Variants in COMMD1 observed in about 807,000 individuals in gnomAD.
The protein encoded by COMMD1 is copper metabolism domain containing 1.
Under a neutral mutation model 17.2 loss-of-function variants are expected in COMMD1, and 10 were observed. The ratio of observed to expected loss-of-function variants is 0.58; its 90% CI spans 0.36 to 0.99. The LOEUF (loss-of-function observed/expected upper bound fraction) is 0.99. COMMD1 is among the 50% of genes least tolerant of loss of function. The pLI is 0.01. For synonymous variants in COMMD1, 97 were observed against 91.6 expected, an observed-to-expected ratio of 1.06 and a Z score of -0.34; for missense variants, 270 against 231.8, an observed-to-expected ratio of 1.17 and a Z score of -1.07.
At chr2:62,113,638 C>T (rs1672515649) in intron 2 of COMMD1, among the ~76,000 whole-genome samples, 1 of 152,194 alleles carries the variant, frequency 6.6e-6, no homozygotes, top group Admixed American at 6.5e-5. Flanking sequence ...CCTGCCTTGG[C>T]CTCCCAAAGT....
chr2:62,083,547 GTC>G (rs1440263877), intron 2 of COMMD1, among the ~76,000 whole-genome samples: 3 of 152,134 alleles, frequency 2.0e-5, no homozygotes, highest in Non-Finnish European at 4.4e-5. Context: ...CTCTCTCTCT[GTC>G]TCTCTCGAAG....
chr2:62,021,151 A>G (rs975199817), intron 2 of COMMD1, among the ~76,000 whole-genome samples: 2 of 152,190 alleles, frequency 1.3e-5, no homozygotes, highest in South Asian at 2.1e-4. Flanking sequence ...TGTGTCCTCA[A>G]CCACATCTTT....
At chr2:62,064,891 G>A (rs1188160330) in intron 2 of COMMD1, among the ~76,000 whole-genome samples, 1 of 152,182 alleles carries the variant, frequency 6.6e-6, no homozygotes, top group Non-Finnish European at 1.5e-5. Flanking sequence ...GCTGTGCCAG[G>A]TGCAGTAGCT....
At chr2:62,127,227 G>A (rs1672908989) in intron 2 of COMMD1, among the ~76,000 whole-genome samples, 1 of 152,082 alleles carries the variant, frequency 6.6e-6, no homozygotes, top group Non-Finnish European at 1.5e-5. Context: ...AAATCAGAGA[G>A]GACACAAACA....
At chr2:62,098,018 T>C (rs1007594520) in intron 2 of COMMD1, among the ~76,000 whole-genome samples, 2 of 152,132 alleles carry the variant, frequency 1.3e-5, no homozygotes, top group African/African-American at 4.8e-5. Context: ...ATATTCTTTC[T>C]TTTTGCAATA....
At chr2:62,115,892 G>T (rs1672585079) in intron 2 of COMMD1, among the ~76,000 whole-genome samples, 3 of 115,724 alleles carry the variant, frequency 2.6e-5, no homozygotes, top group South Asian at 2.7e-4. Flanking sequence ...ATAGGGTCTT[G>T]CTGTCACCTA....
intron 2 of COMMD1, among the ~76,000 whole-genome samples, chr2:62,128,087 G>A (rs1672931572): frequency 6.6e-6 from 1 of 151,846 alleles, no homozygotes; most frequent in South Asian, 2.1e-4. Flanking sequence ...CAGCACTTTG[G>A]GAGGCTGAGG....
chr2:61,940,611 T>C (rs1670718498), intron 1 of COMMD1, among the ~76,000 whole-genome samples: 1 of 152,196 alleles, frequency 6.6e-6, no homozygotes, highest in Non-Finnish European at 1.5e-5. Flanking sequence ...TAACCTTTGC[T>C]GCCTTAAAAA....
At chr2:61,928,026 A>G (rs112791368) in intron 1 of COMMD1, among the ~76,000 whole-genome samples, 305 of 151,940 alleles carry the variant, frequency 2.0e-3, no homozygotes, top group African/African-American at 6.3e-3. Flanking sequence ...CAGCCTCCTG[A>G]AGTGCTTGGA....
chr2:62,042,190 T>G (rs1363281739), intron 2 of COMMD1, among the ~76,000 whole-genome samples: 3 of 152,176 alleles, frequency 2.0e-5, no homozygotes, highest in Non-Finnish European at 4.4e-5. Flanking sequence ...GCACTTACAA[T>G]CCCTTAGCTA....
upstream of COMMD1, chr2:61,888,684 C>T (rs1490963685): frequency 1.1e-5 from 8 of 704,316 alleles, no homozygotes; most frequent in Middle Eastern, 4.0e-4. Context: ...GCGGCGCTGG[C>T]GTGACGTAGG....
intron 2 of COMMD1, among the ~76,000 whole-genome samples, chr2:62,056,360 C>G (rs977906053): frequency 9.2e-5 from 14 of 152,158 alleles, no homozygotes; most frequent in African/African-American, 3.4e-4. Context: ...TTCTAAAGGT[C>G]CATTGCTGGC....
chr2:62,065,715 ATGATGTTTATTAT>A (rs751458823), intron 2 of COMMD1, among the ~76,000 whole-genome samples: 2 of 152,200 alleles, frequency 1.3e-5, no homozygotes, highest in Non-Finnish European at 2.9e-5. Flanking sequence ...TCATGAAGGT[ATGATGTTTATTAT>A]AATCGTTCAT....
At chr2:62,005,838 T>C (rs1289468739) in intron 2 of COMMD1, among the ~76,000 whole-genome samples, 5 of 151,440 alleles carry the variant, frequency 3.3e-5, no homozygotes, top group Admixed American at 3.3e-4. Flanking sequence ...AGCCATCCCA[T>C]TACTGGGTAT....
chr2:62,119,081 G>A (rs1342739507), intron 2 of COMMD1: 1 of 151,010 alleles, frequency 6.6e-6, no homozygotes, highest in Non-Finnish European at 1.5e-5. Context: ...GTTACAATGA[G>A]ACTGTGGGGC....
intron 2 of COMMD1, among the ~76,000 whole-genome samples, chr2:62,019,362 A>G (rs1360886770): frequency 2.6e-5 from 4 of 151,824 alleles, no homozygotes; most frequent in Non-Finnish European, 4.4e-5. Flanking sequence ...TTTAGTAGAG[A>G]TGGGGTTTCA....
intron 1 of COMMD1, among the ~76,000 whole-genome samples, chr2:61,892,085 C>T (rs113977534): frequency 6.6e-6 from 1 of 151,862 alleles, no homozygotes; most frequent in African/African-American, 2.4e-5. Flanking sequence ...CCTGCCTTGG[C>T]CTCCCAAAGT....
intron 1 of COMMD1, among the ~76,000 whole-genome samples, chr2:61,983,993 G>T (rs1672031249): frequency 6.6e-6 from 1 of 152,038 alleles, no homozygotes. Flanking sequence ...CCTTAGTACT[G>T]CTTTCACTGT....
chr2:61,937,669 C>G (rs918129039), intron 1 of COMMD1, among the ~76,000 whole-genome samples: 13 of 152,272 alleles, frequency 8.5e-5, no homozygotes, highest in African/African-American at 3.1e-4. Context: ...ACGCATTGAG[C>G]CATAGCTCAA....
Sources: gnomAD v4.1 joint callset for allele counts (sites outside exome capture counted in the v4.1 genomes callset) on GRCh38, gnomAD v4.1.1 for gene constraint, MANE v1.5 for transcripts, NCBI Gene and HGNC (gene_info 2026-07-23, HGNC 2026-07-21) for gene names.